Variants in DISC1 observed in about 807,000 individuals in gnomAD.
DISC1 encodes disrupted in schizophrenia 1 protein.
A neutral mutation model predicts 84.5 loss-of-function variants in DISC1; 57 were observed. The ratio of observed to expected loss-of-function variants is 0.67; its 90% CI spans 0.55 to 0.84. DISC1 has a LOEUF of 0.84. Among genes scored for constraint, DISC1 ranks in the 40% least tolerant of loss-of-function variants. The pLI is 0.00. For synonymous variants in DISC1, 411 were observed against 415.2 expected (o/e 0.99, Z 0.12); for missense variants, 1,000 against 1,057.8 (o/e 0.95, Z 0.76).
chr1:231,678,020 A>T (rs1216199219), intron 1 of DISC1, among the ~76,000 whole-genome samples: 1 of 151,976 alleles, frequency 6.6e-6, no homozygotes, highest in Non-Finnish European at 1.5e-5. Context: ...TTGCTGTAAG[A>T]CCCTCTCTGT....
intron 9 of DISC1, among the ~76,000 whole-genome samples, chr1:231,909,870 T>G (rs1230999191): frequency 3.3e-5 from 5 of 152,232 alleles, no homozygotes; most frequent in Admixed American, 2.0e-4. Context: ...TATTGGTCTA[T>G]TCAGGGATTC....
chr1:232,016,443 G>C (rs1156857196), intron 11 of DISC1, among the ~76,000 whole-genome samples: 1 of 152,114 alleles, frequency 6.6e-6, no homozygotes, highest in African/African-American at 2.4e-5. Flanking sequence ...GTACTAGCCG[G>C]TGCCATGAAT....
chr1:231,739,404 G>C (rs991610562), intron 3 of DISC1, among the ~76,000 whole-genome samples: 2 of 152,148 alleles, frequency 1.3e-5, no homozygotes, highest in Non-Finnish European at 2.9e-5. Context: ...ATCTGTTGCT[G>C]TGTTCCCCTC....
At chr1:232,003,124 A>G (rs2102973547) in intron 10 of DISC1, among the ~76,000 whole-genome samples, 1 of 152,342 alleles carries the variant, frequency 6.6e-6, no homozygotes, top group Non-Finnish European at 1.5e-5. Context: ...GCTAAAATCA[A>G]TGAGAAAACA....
chr1:231,878,261 A>G (rs755812926), intron 9 of DISC1, among the ~76,000 whole-genome samples: 3 of 152,202 alleles, frequency 2.0e-5, no homozygotes, highest in South Asian at 2.1e-4. Context: ...AATTGTGACA[A>G]GTGACATGAA....
intron 9 of DISC1, among the ~76,000 whole-genome samples, chr1:231,855,555 CA>C (rs1271702858): frequency 5.3e-5 from 8 of 152,164 alleles, no homozygotes; most frequent in African/African-American, 1.9e-4. Context: ...GCATTTACAA[CA>C]TAAAGCCTAA....
intron 1 of DISC1, among the ~76,000 whole-genome samples, chr1:231,646,392 C>T (rs1402619041): frequency 1.3e-5 from 2 of 152,000 alleles, no homozygotes; most frequent in African/African-American, 2.4e-5. Context: ...TTTTCTTAAT[C>T]CAGTCTATCA....
intron 1 of DISC1, among the ~76,000 whole-genome samples, chr1:231,634,860 A>C (rs1213336624): frequency 2.0e-5 from 3 of 151,834 alleles, no homozygotes; most frequent in African/African-American, 7.3e-5. Flanking sequence ...GCAGTGCGCT[A>C]TGCTTGTGCC....
chr1:231,759,555 A>AAAAAAAAG (rs1189044435), intron 4 of DISC1, among the ~76,000 whole-genome samples: 1 of 150,496 alleles, frequency 6.6e-6, no homozygotes, highest in Non-Finnish European at 1.5e-5. Flanking sequence ...AAAAAAACAA[A>AAAAAAAAG]ACTAGCCAAA....
intron 3 of DISC1, among the ~76,000 whole-genome samples, chr1:231,728,443 A>G (rs1271955288): frequency 1.3e-5 from 2 of 152,130 alleles, no homozygotes; most frequent in African/African-American, 4.8e-5. Context: ...CCTGGATAGC[A>G]CCTACCAGGA....
intron 9 of DISC1, among the ~76,000 whole-genome samples, chr1:231,891,176 C>G (rs1309695958): frequency 1.3e-5 from 2 of 151,942 alleles, no homozygotes; most frequent in Non-Finnish European, 2.9e-5. Flanking sequence ...TTGGGCCACA[C>G]ATAAAATACA....
At chr1:231,841,397 A>G (rs946835732) in intron 9 of DISC1, among the ~76,000 whole-genome samples, 1 of 152,230 alleles carries the variant, frequency 6.6e-6, no homozygotes, top group East Asian at 1.9e-4. Flanking sequence ...CTGAATTTCC[A>G]CAGCATTGCG....
chr1:231,646,681 G>A (rs1558236463), intron 1 of DISC1, among the ~76,000 whole-genome samples: 1 of 152,178 alleles, frequency 6.6e-6, no homozygotes, highest in Non-Finnish European at 1.5e-5. Context: ...CACCAACAGT[G>A]TAAAAGCATT....
intron 1 of DISC1, among the ~76,000 whole-genome samples, chr1:231,649,275 T>C (rs1006444436): frequency 2.6e-5 from 4 of 152,244 alleles, no homozygotes; most frequent in African/African-American, 9.6e-5. Flanking sequence ...CGCATTAGTT[T>C]CGAAGAACAC....
rs1315986398 is a variant in DISC1 at position 231,958,814 on chromosome 1, T to C, written c.1982-14T>C. 11 of 1,605,552 alleles carry C rather than the reference T, an allele frequency of 6.9e-6. No individual in the cohort carries two copies. Among genetic ancestry groups the C allele is most frequent in the South Asian group, 1.1e-5 (1 of 89,710 alleles). On this transcript the variant is annotated splice_polypyrimidine_tract_variant and intron_variant, in intron 9 of 12. Transcript: ENST00000439617. ...GCAGTTGCATTAACTTTGGATTTCC[T>C]TTTTTTCCCCCAGAAACAAGTGTGA...
At position 232,011,030 on chromosome 1, in the gene DISC1, G is replaced by A. The variant is rs192177395; in HGVS notation, c.2307+1981G>A. On this transcript the variant is annotated intron_variant, in intron 11 of 12. Coordinates refer to ENST00000439617, the MANE Select transcript of DISC1 (RefSeq NM_018662.3). The stretch of plus-strand genomic sequence containing the variant: ...AAATGCCAAGGTGCCATATTTTGGG[G>A]TAGTGTATTCTGAACCCCATCACTC... Among the ~76,000 whole-genome samples, 392 of 152,208 alleles carry A rather than the reference G, an allele frequency of 2.6e-3. 1 individual carries two copies. The highest frequency in any genetic ancestry group is 9.0e-3 in the African/African-American group (373 of 41,518).
chr1:231,709,187 C>A (rs1194441034), intron 3 of DISC1, among the ~76,000 whole-genome samples: 3 of 152,190 alleles, frequency 2.0e-5, no homozygotes, highest in Non-Finnish European at 2.9e-5. Context: ...TGACTTTGAG[C>A]ATTGCCCATT....
intron 10 of DISC1, among the ~76,000 whole-genome samples, chr1:231,998,147 G>A (rs1005666737): frequency 2.0e-5 from 3 of 152,194 alleles, no homozygotes; most frequent in Non-Finnish European, 4.4e-5. Flanking sequence ...ATGCCAAGTG[G>A]ATTCAGCTGA....
In DISC1 at chr1:231,698,564, C is replaced by T. The variant is rs2065996685; in HGVS notation, c.1048-3391C>T. Among the ~76,000 whole-genome samples, 1 of 152,134 alleles carries T rather than the reference C, an allele frequency of 6.6e-6. No individual in the cohort carries two copies. On this transcript the variant is annotated intron_variant, in intron 2 of 12. Transcript: ENST00000439617. This position sits in a 1 kb window ranked among gnomAD's most constrained non-coding sequence, Gnocchi z 4.9. ...GACATGGCCACTGGGGCTGTGCCTC[C>T]AGCAAAGACGGGTATTCAGACATAT...
Sources: allele counts gnomAD v4.1 joint callset (sites outside exome capture counted in the v4.1 genomes callset), GRCh38; gene constraint gnomAD v4.1.1; non-coding constraint Gnocchi (gnomAD v3.1); transcripts MANE v1.5; gene names NCBI Gene and HGNC (gene_info 2026-07-23, HGNC 2026-07-21).